The following DYM variants were observed in gnomAD, a reference collection of about 807,000 sequenced individuals.
The protein encoded by DYM is dyggve-Melchior-Clausen syndrome protein.
DYM carries 78 observed loss-of-function variants against 93.1 expected under a neutral mutation model. The ratio of observed to expected loss-of-function variants is 0.84; its 90% CI spans 0.70 to 1.01. The LOEUF (loss-of-function observed/expected upper bound fraction) is 1.01, where lower values mean the gene tolerates loss of function less well. Ranked by LOEUF, DYM falls within the 50% of genes least tolerant of loss-of-function variation. The probability of loss-of-function intolerance (pLI) is 0.00; values close to 1 mark genes in which losing one functional copy is unlikely to be tolerated. For synonymous variants in DYM, 321 were observed against 319.7 expected, an observed-to-expected ratio of 1.00 and a Z score of -0.04; for missense variants, 789 against 845.0, an observed-to-expected ratio of 0.93 and a Z score of 0.82.
intron 17 of DYM, among the ~76,000 whole-genome samples, chr18:49,081,097 G>T (rs1300681932): frequency 1.3e-5 from 2 of 150,996 alleles, no homozygotes; most frequent in South Asian, 2.1e-4. Context: ...CTTCCCAGAC[G>T]GGGTGGCGGC....
intron 3 of DYM, among the ~76,000 whole-genome samples, chr18:49,381,019 C>G (rs1446695332): frequency 6.6e-6 from 1 of 151,538 alleles, no homozygotes; most frequent in African/African-American, 2.4e-5. Context: ...AACATAGAAA[C>G]AGGGTCTCGG....
intron 13 of DYM, among the ~76,000 whole-genome samples, chr18:49,226,997 G>A (rs2093556038): frequency 6.6e-6 from 1 of 152,122 alleles, no homozygotes; most frequent in African/African-American, 2.4e-5. Flanking sequence ...CATGAATGAT[G>A]ACTATATGCT....
chr18:49,158,986 A>G (rs1471038345), intron 15 of DYM, among the ~76,000 whole-genome samples: 2 of 152,184 alleles, frequency 1.3e-5, no homozygotes, highest in Non-Finnish European at 1.5e-5. Context: ...TGGGTATTAA[A>G]ATATCTCATG....
intron 16 of DYM, among the ~76,000 whole-genome samples, chr18:49,102,577 C>T (rs1281858995): frequency 6.6e-6 from 1 of 152,144 alleles, no homozygotes; most frequent in Admixed American, 6.5e-5. Context: ...TCCCCCAACC[C>T]CACAACAGGC....
intron 15 of DYM, among the ~76,000 whole-genome samples, chr18:49,144,950 C>A (rs1319684210): frequency 6.6e-6 from 1 of 150,492 alleles, no homozygotes; most frequent in Non-Finnish European, 1.5e-5. Flanking sequence ...AAATAAAAAA[C>A]TTAGTTGAGC....
intron 13 of DYM, among the ~76,000 whole-genome samples, chr18:49,245,007 T>G (rs2094130205): frequency 6.6e-6 from 1 of 152,180 alleles, no homozygotes. Flanking sequence ...TCATGGACAT[T>G]TATTACTTCC....
At chr18:49,365,882 C>T (rs1329965748) in intron 5 of DYM, among the ~76,000 whole-genome samples, 1 of 152,100 alleles carries the variant, frequency 6.6e-6, no homozygotes, top group Admixed American at 6.5e-5. Context: ...TTCCATGTGC[C>T]ACTCAAATCA....
At chr18:49,046,530 C>A (rs1040738831) in intron 17 of DYM, among the ~76,000 whole-genome samples, 1 of 151,026 alleles carries the variant, frequency 6.6e-6, no homozygotes, top group African/African-American at 2.5e-5. Context: ...CACACACACA[C>A]CAGACACACA....
chr18:49,310,367 ATG>A (rs1959360937), intron 8 of DYM, among the ~76,000 whole-genome samples: 1 of 152,236 alleles, frequency 6.6e-6, no homozygotes, highest in Admixed American at 6.5e-5. Context: ...AAACTTGAAA[ATG>A]TTACTTTAAT....
chr18:49,428,651 A>T (rs1362297430), intron 2 of DYM, among the ~76,000 whole-genome samples: 1 of 152,150 alleles, frequency 6.6e-6, no homozygotes, highest in Non-Finnish European at 1.5e-5. Flanking sequence ...GCGCCACTGA[A>T]CTCTAGCAGA....
intron 5 of DYM, among the ~76,000 whole-genome samples, chr18:49,363,794 C>T (rs1403716737): frequency 2.0e-5 from 3 of 152,158 alleles, no homozygotes; most frequent in Admixed American, 2.0e-4. Flanking sequence ...AGGGCTTTCC[C>T]AAGTCACAGA....
chr18:49,454,175 T>C (rs1410808367), intron 1 of DYM, among the ~76,000 whole-genome samples: 1 of 152,056 alleles, frequency 6.6e-6, no homozygotes, highest in Non-Finnish European at 1.5e-5. Flanking sequence ...GAAAGAGTCA[T>C]CACCCAACAC....
At chr18:49,158,828 G>A (rs1395374767) in intron 15 of DYM, among the ~76,000 whole-genome samples, 2 of 152,148 alleles carry the variant, frequency 1.3e-5, no homozygotes, top group Non-Finnish European at 2.9e-5. Context: ...AGAAGATCTA[G>A]TATTTGATAA....
At chr18:49,214,275 G>A (rs1332561842) in intron 13 of DYM, among the ~76,000 whole-genome samples, 1 of 152,172 alleles carries the variant, frequency 6.6e-6, no homozygotes, top group Non-Finnish European at 1.5e-5. Flanking sequence ...ATTACCACCT[G>A]AGCTCCGCCT....
chr18:49,133,808 C>T (rs188096016), intron 15 of DYM, among the ~76,000 whole-genome samples: 1 of 152,296 alleles, frequency 6.6e-6, no homozygotes, highest in Admixed American at 6.5e-5. Flanking sequence ...TCTAATGTCC[C>T]TCTTTTAAGG....
At chr18:49,402,540 G>A (rs1455014278) in intron 2 of DYM, among the ~76,000 whole-genome samples, 1 of 152,132 alleles carries the variant, frequency 6.6e-6, no homozygotes, top group East Asian at 1.9e-4. Flanking sequence ...CAAGTGTCTG[G>A]CTAGCAGATT....
At chr18:49,425,166 A>C (rs2074144577) in intron 2 of DYM, among the ~76,000 whole-genome samples, 1 of 152,208 alleles carries the variant, frequency 6.6e-6, no homozygotes, top group Admixed American at 6.5e-5. Flanking sequence ...ACAGTAACCA[A>C]AACAGCATGG....
chr18:49,043,869 C>T lies in DYM; in HGVS notation c.*186G>A, dbSNP rs1220999469. 1 of 692,352 alleles carries T rather than the reference C, an allele frequency of 1.4e-6. No individual in the cohort carries two copies. The highest frequency in any genetic ancestry group is 1.8e-5 in the African/African-American group (1 of 56,276). The allele number at this position is 692,352 out of a possible 1,614,324, so 42.9% of individuals were successfully genotyped here. On this transcript the variant is annotated 3_prime_UTR_variant, in exon 18 of 18. Coordinates refer to ENST00000675505, the MANE Select transcript of DYM (RefSeq NM_001353214.3). ...TCCCCTTTTTGCAATACTATCTACG[C>T]TGAGTTATCTATTGCCAACTAGCAC...
At chr18:49,377,620 C>G (rs2067635496) in intron 5 of DYM, among the ~76,000 whole-genome samples, 1 of 151,912 alleles carries the variant, frequency 6.6e-6, no homozygotes, top group African/African-American at 2.4e-5. Context: ...GAAATATTCC[C>G]CATAGACATG....
Sources: gnomAD v4.1 joint callset for allele counts (sites outside exome capture counted in the v4.1 genomes callset) on GRCh38, gnomAD v4.1.1 for gene constraint, MANE v1.5 for transcripts, NCBI Gene and HGNC (gene_info 2026-07-23, HGNC 2026-07-21) for gene names.